Variants in SNX29 observed in about 807,000 individuals in gnomAD.
SNX29 encodes the protein sorting nexin-29.
In SNX29, 78 loss-of-function variants were observed where a neutral mutation model predicts 102.1. The ratio of observed to expected loss-of-function variants is 0.76; its 90% CI spans 0.64 to 0.92. SNX29 has a LOEUF of 0.92. Ranked by LOEUF, SNX29 falls within the 40% of genes least tolerant of loss-of-function variation. The pLI, the probability that SNX29 is intolerant of heterozygous loss-of-function variation, is 0.00. For synonymous variants in SNX29, 580 were observed against 414.5 expected (o/e 1.40, Z -4.85); for missense variants, 1,280 against 1,061.7 (o/e 1.21, Z -2.86).
chr16:12,301,054 A>G (rs2080158205), intron 15 of SNX29, among the ~76,000 whole-genome samples: 1 of 152,198 alleles, frequency 6.6e-6, no homozygotes, highest in Non-Finnish European at 1.5e-5. Flanking sequence ...CCTAAATGGC[A>G]CCACTTTCCA....
At chr16:12,160,263 C>T (rs74345574) in intron 13 of SNX29, among the ~76,000 whole-genome samples, 121 of 152,298 alleles carry the variant, frequency 7.9e-4, no homozygotes, top group Non-Finnish European at 1.1e-3. Context: ...TGAGGGGCGT[C>T]AGGGGGCATG....
intron 3 of SNX29, among the ~76,000 whole-genome samples, chr16:12,022,895 CT>C (rs34712388): frequency 0.33 from 40,725 of 123,938 alleles, 5,159 homozygotes; most frequent in Non-Finnish European, 0.41. Flanking sequence ...TACCTTATTC[CT>C]TTTTTTTTTT....
At chr16:12,081,135 C>T (rs2051853758) in intron 11 of SNX29, 1 of 152,182 alleles carries the variant, frequency 6.6e-6, no homozygotes, top group African/African-American at 2.4e-5. Flanking sequence ...GAAACTATTA[C>T]TAAGTGTGCC....
At chr16:12,553,395 G>C (rs116482479) in intron 20 of SNX29, among the ~76,000 whole-genome samples, 2 of 152,128 alleles carry the variant, frequency 1.3e-5, no homozygotes, top group Admixed American at 6.5e-5. Context: ...GAACATATAA[G>C]TAGTTCTGGT....
intron 16 of SNX29, chr16:12,372,962 G>T (rs911072280): frequency 6.6e-6 from 1 of 152,158 alleles, no homozygotes; most frequent in African/African-American, 2.4e-5. Flanking sequence ...TGTGCATGTA[G>T]TAGCAAGCAC....
chr16:12,360,092 G>A (rs1423283306), intron 16 of SNX29, among the ~76,000 whole-genome samples: 1 of 152,222 alleles, frequency 6.6e-6, no homozygotes, highest in Admixed American at 6.5e-5. Context: ...CCAGAGTGCT[G>A]GGATTACTGG....
In SNX29 at chr16:12,038,156, A is replaced by T. The variant is rs3862463; in HGVS notation, c.248-4741A>T. Among the ~76,000 whole-genome samples, 4 of 152,250 alleles carry T rather than the reference A, an allele frequency of 2.6e-5. No individual in the cohort carries two copies. The East Asian group carries it at 5.8e-4, about 22-fold the overall frequency. On this transcript the variant is annotated intron_variant, in intron 4 of 20. Coordinates refer to ENST00000566228, the MANE Select transcript of SNX29 (RefSeq NM_032167.5). The stretch of plus-strand genomic sequence containing the variant: ...TTGGATACACTTTACATGTATTCCT[A>T]TTTCTCATTTTTCCCTCATAGCAAT...
chr16:12,405,101 T>C (rs2084108220), intron 18 of SNX29, among the ~76,000 whole-genome samples: 1 of 152,230 alleles, frequency 6.6e-6, no homozygotes, highest in African/African-American at 2.4e-5. Flanking sequence ...AACCCAACTT[T>C]CTTATTTGAC....
chr16:12,014,126 G>T (rs2056769981), intron 3 of SNX29, among the ~76,000 whole-genome samples: 2 of 151,978 alleles, frequency 1.3e-5, no homozygotes, highest in Admixed American at 1.3e-4. Flanking sequence ...GCAAGCTTTT[G>T]GTTTGAATTT....
intron 18 of SNX29, among the ~76,000 whole-genome samples, chr16:12,466,211 A>G (rs1015044157): frequency 1.1e-4 from 16 of 152,222 alleles, no homozygotes; most frequent in African/African-American, 3.6e-4. Context: ...AATTCTCTCT[A>G]TTTGCAGATG....
At chr16:12,151,943 C>T (rs1017808328) in intron 13 of SNX29, among the ~76,000 whole-genome samples, 17 of 152,156 alleles carry the variant, frequency 1.1e-4, no homozygotes. Flanking sequence ...GCCTGTTGGC[C>T]AGACTAGTCT....
intron 20 of SNX29, among the ~76,000 whole-genome samples, chr16:12,549,628 C>G (rs1334809423): frequency 1.3e-5 from 2 of 152,250 alleles, no homozygotes; most frequent in African/African-American, 2.4e-5. Flanking sequence ...TCCACACGCT[C>G]TGTAAAGAGC....
chr16:12,520,559 C>G (rs1011225773), intron 19 of SNX29, among the ~76,000 whole-genome samples: 1 of 152,102 alleles, frequency 6.6e-6, no homozygotes, highest in African/African-American at 2.4e-5. Flanking sequence ...GAAGATGTCA[C>G]AGACATCAAT....
chr16:12,276,995 A>G (rs1042494846), intron 14 of SNX29, among the ~76,000 whole-genome samples: 7 of 152,170 alleles, frequency 4.6e-5, no homozygotes, highest in Admixed American at 1.3e-4. Flanking sequence ...GGTTTTACAC[A>G]TACTCTGACC....
chr16:12,325,395 C>T (rs2081085041), intron 15 of SNX29, among the ~76,000 whole-genome samples: 1 of 152,154 alleles, frequency 6.6e-6, no homozygotes, highest in East Asian at 1.9e-4. Context: ...TGCATTCTGG[C>T]AGCTCTTATT....
intron 14 of SNX29, among the ~76,000 whole-genome samples, chr16:12,212,465 C>T (rs563059276): frequency 1.3e-4 from 20 of 151,220 alleles, no homozygotes; most frequent in Non-Finnish European, 1.8e-4. Context: ...AGAACTGGAG[C>T]GGGAAAGGCA....
intron 1 of SNX29, among the ~76,000 whole-genome samples, chr16:11,980,707 G>A (rs1253306347): frequency 6.6e-6 from 1 of 152,066 alleles, no homozygotes; most frequent in African/African-American, 2.4e-5. Flanking sequence ...AGTGTGAAGT[G>A]GTATTTCTTC....
chr16:12,505,477 C>T (rs2089330003), intron 19 of SNX29, among the ~76,000 whole-genome samples: 1 of 152,116 alleles, frequency 6.6e-6, no homozygotes, highest in South Asian at 2.1e-4. Context: ...TTGATCTAAA[C>T]ATCCTTATGC....
chr16:12,229,889 A>G (rs779869412), intron 14 of SNX29, among the ~76,000 whole-genome samples: 43 of 152,162 alleles, frequency 2.8e-4, no homozygotes, highest in Middle Eastern at 3.4e-3. Context: ...GATAATTCAG[A>G]GGAACTGCTT....
Sources: gnomAD v4.1 joint callset for allele counts (sites outside exome capture counted in the v4.1 genomes callset) on GRCh38, gnomAD v4.1.1 for gene constraint, MANE v1.5 for transcripts, NCBI Gene and HGNC (gene_info 2026-07-23, HGNC 2026-07-21) for gene names.